DENND1A: variants seen among roughly 807,000 people sequenced by gnomAD.
The protein encoded by DENND1A is DENN domain-containing protein 1A.
DENND1A carries 51 observed loss-of-function variants against 113.7 expected under a neutral mutation model. That is an observed-to-expected ratio of 0.45 (90% CI 0.36 to 0.57). DENND1A has a LOEUF of 0.57. Among genes scored for constraint, DENND1A ranks in the 20% least tolerant of loss-of-function variants. The pLI is 0.00. For synonymous variants in DENND1A, 565 were observed against 570.8 expected (o/e 0.99, Z 0.14); for missense variants, 1,258 against 1,395.9 (o/e 0.90, Z 1.57).
At chr9:123,515,076 C>T (rs2053788602) in intron 13 of DENND1A, among the ~76,000 whole-genome samples, 1 of 152,144 alleles carries the variant, frequency 6.6e-6, no homozygotes. Context: ...AAGACCAAAA[C>T]ATAACAAAAA....
chr9:123,849,434 T>C (rs1843038850), intron 2 of DENND1A, among the ~76,000 whole-genome samples: 1 of 152,206 alleles, frequency 6.6e-6, no homozygotes, highest in Non-Finnish European at 1.5e-5. Flanking sequence ...GTTTTTGCCA[T>C]TGAGTAATGA....
At chr9:123,526,085 C>T (rs2054815897) in intron 13 of DENND1A, among the ~76,000 whole-genome samples, 2 of 152,056 alleles carry the variant, frequency 1.3e-5, no homozygotes, top group Non-Finnish European at 2.9e-5. Context: ...AAACCTTCTC[C>T]AGTCTCCCCA....
intron 19 of DENND1A, chr9:123,414,215 C>T (rs2044537272): frequency 5.2e-6 from 6 of 1,153,310 alleles, no homozygotes; most frequent in Middle Eastern, 3.7e-4. Flanking sequence ...CTGTGAAGTA[C>T]AGGTAACAGC....
intron 11 of DENND1A, among the ~76,000 whole-genome samples, chr9:123,583,969 T>A (rs898357981): frequency 3.3e-5 from 5 of 152,204 alleles, no homozygotes; most frequent in African/African-American, 1.2e-4. Context: ...AAAAAAAGAA[T>A]CCTGCCCCCA....
intron 3 of DENND1A, among the ~76,000 whole-genome samples, chr9:123,773,950 C>T (rs1053731990): frequency 2.0e-5 from 3 of 151,942 alleles, no homozygotes; most frequent in African/African-American, 7.2e-5. Context: ...CAATTAGCCT[C>T]TTTGTGGCTT....
At chr9:123,719,071 GC>G (rs1341590738) in intron 5 of DENND1A, among the ~76,000 whole-genome samples, 3 of 152,166 alleles carry the variant, frequency 2.0e-5, no homozygotes, top group Non-Finnish European at 4.4e-5. Flanking sequence ...TGTAAGAAGT[GC>G]CTTTGACCTT....
intron 3 of DENND1A, among the ~76,000 whole-genome samples, chr9:123,780,773 T>C (rs1462779311): frequency 6.6e-6 from 1 of 152,170 alleles, no homozygotes; most frequent in Non-Finnish European, 1.5e-5. Flanking sequence ...CTTTATTTGG[T>C]TCCTCATCTA....
Position 123,465,400 on chromosome 9 carries a change from T to A in DENND1A, c.994-7503A>T, listed in dbSNP as rs1268531266. ...GATCAATTTAGATGACACAACATGGTGGAGTGAGAATGTGGCTTGGGTGGA... is the reference window on the plus strand; with the variant it reads ...GATCAATTTAGATGACACAACATGGAGGAGTGAGAATGTGGCTTGGGTGGA... On this transcript the variant is annotated intron_variant, in intron 13 of 23. Coordinates refer to ENST00000394215, the MANE Select transcript of DENND1A (RefSeq NM_001352964.2). Among the ~76,000 whole-genome samples the A allele has an allele frequency of 2.1e-5, 3 of 146,220 alleles. No homozygotes were observed. The Admixed American group carries it at 2.1e-4, about 10-fold the overall frequency.
intron 5 of DENND1A, among the ~76,000 whole-genome samples, chr9:123,740,196 T>C (rs1219002250): frequency 6.6e-6 from 1 of 152,112 alleles, no homozygotes; most frequent in African/African-American, 2.4e-5. Context: ...AAAAAAAAAA[T>C]CCTGTGCAAA....
At chr9:123,672,207 C>T (rs1047114217) in intron 6 of DENND1A, among the ~76,000 whole-genome samples, 12 of 152,180 alleles carry the variant, frequency 7.9e-5, no homozygotes, top group African/African-American at 2.9e-4. Flanking sequence ...CTCCTGGCTT[C>T]ACTACAGCTG....
intron 5 of DENND1A, among the ~76,000 whole-genome samples, chr9:123,685,732 C>T (rs150126309): frequency 3.1e-4 from 47 of 152,212 alleles, no homozygotes; most frequent in African/African-American, 1.1e-3. Flanking sequence ...AATAATGGCA[C>T]CTGCACTGAC....
At chr9:123,634,639 T>C (rs1048931491) in intron 9 of DENND1A, among the ~76,000 whole-genome samples, 9 of 152,224 alleles carry the variant, frequency 5.9e-5, no homozygotes, top group East Asian at 1.9e-4. Flanking sequence ...AAATATATAA[T>C]TGAAGTGCAA....
chr9:123,922,095 G>A (rs1415146495), intron 1 of DENND1A, among the ~76,000 whole-genome samples: 3 of 151,960 alleles, frequency 2.0e-5, no homozygotes, highest in South Asian at 2.1e-4. Context: ...ACCACACCTG[G>A]CTAATTGTTG....
At chr9:123,892,123 C>A (rs1850000467) in intron 1 of DENND1A, among the ~76,000 whole-genome samples, 1 of 152,130 alleles carries the variant, frequency 6.6e-6, no homozygotes, top group African/African-American at 2.4e-5. Flanking sequence ...TAGCTAAGTA[C>A]TGATTAGCAT....
chr9:123,753,251 G>C (rs906378839), intron 5 of DENND1A, among the ~76,000 whole-genome samples: 1 of 152,154 alleles, frequency 6.6e-6, no homozygotes, highest in Non-Finnish European at 1.5e-5. Context: ...ATAAACTTTG[G>C]ATGTATTTGT....
chr9:123,401,010 T>C (rs536139250), intron 21 of DENND1A: 1 of 152,158 alleles, frequency 6.6e-6, no homozygotes, highest in South Asian at 2.1e-4. Flanking sequence ...AGATCTGTGA[T>C]TCAAGAAAAC....
At chr9:123,774,970 G>A (rs1376864426) in intron 3 of DENND1A, among the ~76,000 whole-genome samples, 1 of 152,126 alleles carries the variant, frequency 6.6e-6, no homozygotes, top group African/African-American at 2.4e-5. Context: ...GAAGTCTGAA[G>A]CAAAAATACT....
chr9:123,686,750 G>GA (rs1437017090), intron 5 of DENND1A, among the ~76,000 whole-genome samples: 1 of 152,148 alleles, frequency 6.6e-6, no homozygotes, highest in Non-Finnish European at 1.5e-5. Context: ...ACTTTTTCTA[G>GA]AAAAACTATG....
chr9:123,578,182 A>C (rs1210690143), intron 12 of DENND1A, among the ~76,000 whole-genome samples: 1 of 152,182 alleles, frequency 6.6e-6, no homozygotes, highest in African/African-American at 2.4e-5. Context: ...ACTGTTCTTT[A>C]ATCTTTCAGC....
Sources: gnomAD v4.1 joint callset for allele counts (sites outside exome capture counted in the v4.1 genomes callset) on GRCh38, gnomAD v4.1.1 for gene constraint, MANE v1.5 for transcripts, NCBI Gene and HGNC (gene_info 2026-07-23, HGNC 2026-07-21) for gene names.